Variants in METTL16 observed in about 807,000 individuals in gnomAD.
METTL16 encodes methyltransferase 16, RNA N6-adenosine, also known as RNA N(6)-adenosine-methyltransferase METTL16.
Under a neutral mutation model 57.9 loss-of-function variants are expected in METTL16, and 19 were observed. The ratio of observed to expected loss-of-function variants is 0.33; its 90% CI spans 0.23 to 0.48. The LOEUF is 0.48. Among genes scored for constraint, METTL16 ranks in the 20% least tolerant of loss-of-function variants. The pLI is 0.99. For synonymous variants in METTL16, 246 were observed against 255.6 expected, an observed-to-expected ratio of 0.96 and a Z score of 0.36; for missense variants, 434 against 691.5, an observed-to-expected ratio of 0.63 and a Z score of 4.18.
chr17:2,455,401 A>G (rs2067102351), intron 6 of METTL16, among the ~76,000 whole-genome samples: 2 of 152,196 alleles, frequency 1.3e-5, no homozygotes, highest in South Asian at 2.1e-4. Context: ...ATTCCTTTGT[A>G]GACTGTTAGA....
At chr17:2,508,011 C>T (rs2067560111) in intron 1 of METTL16, among the ~76,000 whole-genome samples, 1 of 152,074 alleles carries the variant, frequency 6.6e-6, no homozygotes, top group Non-Finnish European at 1.5e-5. Flanking sequence ...GGGTTCTCTG[C>T]CTAGGAAAAC....
At chr17:2,432,524 G>A (rs574646142) in intron 8 of METTL16, among the ~76,000 whole-genome samples, 36 of 152,106 alleles carry the variant, frequency 2.4e-4, no homozygotes, top group African/African-American at 4.8e-4. Context: ...AGCCGTGAGC[G>A]CGCCAATACA....
chr17:2,504,203 T>A (rs2067513034), intron 1 of METTL16, among the ~76,000 whole-genome samples: 1 of 151,774 alleles, frequency 6.6e-6, no homozygotes, highest in South Asian at 2.1e-4. Flanking sequence ...GGAATAGAGG[T>A]GATGAGGAGC....
At chr17:2,466,737 T>G (rs183441622) in intron 5 of METTL16, among the ~76,000 whole-genome samples, 1 of 152,216 alleles carries the variant, frequency 6.6e-6, no homozygotes, top group African/African-American at 2.4e-5. Context: ...GTGAATGCTA[T>G]GTAAAAATAG....
chr17:2,496,025 G>C (rs979219551), intron 2 of METTL16, among the ~76,000 whole-genome samples: 3 of 151,442 alleles, frequency 2.0e-5, no homozygotes, highest in African/African-American at 7.3e-5. Context: ...CAGGAGAATT[G>C]CTTGTACCTG....
Position 2,419,705 on chromosome 17 carries a change from G to A in METTL16, c.*265C>T. The A allele has an allele frequency of 1.6e-6, 1 of 631,836 alleles. No individual in the cohort carries two copies. The highest frequency in any genetic ancestry group is 2.9e-6 in the Non-Finnish European group (1 of 340,646). 39.1% of individuals were successfully genotyped at this position (631,836 alleles called of 1,614,324 possible). A position where few individuals can be genotyped will look rare whatever the true frequency, so the allele number is the denominator to read the frequency against. On this transcript the variant is annotated 3_prime_UTR_variant, in exon 10 of 10. Transcript: ENST00000263092. ...CTGAGGGGCCAGCTTGAGCCAGCTT[G>A]CAATCCCTCGGGAGTTTACTGAGGG...
chr17:2,477,176 T>TA (rs1268671314), intron 3 of METTL16, among the ~76,000 whole-genome samples: 3 of 151,770 alleles, frequency 2.0e-5, no homozygotes, highest in Non-Finnish European at 2.9e-5. Context: ...CATCTCAAAA[T>TA]AAAAAAATTT....
At chr17:2,488,580 TAAAAA>T (rs540588071) in intron 2 of METTL16, among the ~76,000 whole-genome samples, 2 of 150,498 alleles carry the variant, frequency 1.3e-5, no homozygotes, top group Non-Finnish European at 3.0e-5. Flanking sequence ...AAAAACAAAT[TAAAAA>T]AAACAAAAAA....
chr17:2,492,906 A>AAAC (rs1257135099), intron 2 of METTL16, among the ~76,000 whole-genome samples: 1 of 137,966 alleles, frequency 7.2e-6, no homozygotes, highest in Non-Finnish European at 1.6e-5. Flanking sequence ...TCAAAAAAAA[A>AAAC]AAAAAAAAAA....
intron 6 of METTL16, among the ~76,000 whole-genome samples, chr17:2,444,820 T>A (rs999272870): frequency 1.3e-5 from 2 of 151,532 alleles, no homozygotes; most frequent in African/African-American, 4.9e-5. Context: ...TTCAAGCAAT[T>A]CCCCTGCCTC....
At position 2,493,737 on chromosome 17, in the gene METTL16, A is replaced by G. The variant is rs181674315; in HGVS notation, c.128+8467T>C. On this transcript the variant is annotated intron_variant, in intron 2 of 9. Transcript: ENST00000263092. ...CTGTCTCAAAAAAAAAAAAAAAACC[A>G]TTGTAAAAATGAAGAACATTCTACC... Among the ~76,000 whole-genome samples, 532 of 140,760 alleles carry G rather than the reference A, an allele frequency of 3.8e-3. 1 individual carries two copies. Among genetic ancestry groups the G allele is most frequent in the African/African-American group, 0.013 (503 of 38,794 alleles). 92.3% of individuals were successfully genotyped at this position (140,760 alleles called of 152,430 possible). A position where few individuals can be genotyped will look rare whatever the true frequency, so the allele number is the denominator to read the frequency against.
In METTL16 at chr17:2,475,561, T is replaced by G. The variant is rs191809116; in HGVS notation, c.329-1897A>C. ...AGGGTAATAAATACACATAAAAGAT[T>G]TGTCAGCGCCAAAAAAAGTTTCTTA... On this transcript the variant is annotated intron_variant, in intron 3 of 9. Coordinates refer to ENST00000263092, the MANE Select transcript of METTL16 (RefSeq NM_024086.4). Among the ~76,000 whole-genome samples the G allele has an allele frequency of 4.7e-3, 712 of 152,294 alleles. 6 individuals are homozygous for G. The highest frequency in any genetic ancestry group is 5.0e-3 in the Non-Finnish European group (343 of 68,026).
At chr17:2,430,455 G>C (rs1358914900) in intron 8 of METTL16, among the ~76,000 whole-genome samples, 1 of 119,508 alleles carries the variant, frequency 8.4e-6, no homozygotes, top group African/African-American at 3.3e-5. Context: ...TCGCTCTGTC[G>C]CCCAGGCTGG....
intron 7 of METTL16, among the ~76,000 whole-genome samples, chr17:2,440,002 T>C (rs1023906594): frequency 6.6e-6 from 1 of 151,916 alleles, no homozygotes; most frequent in African/African-American, 2.4e-5. Flanking sequence ...GCCTGGGCAA[T>C]ACAGCAAGAC....
At position 2,417,930 on chromosome 17, in the gene METTL16, G is replaced by C. The variant is rs186521395; in HGVS notation, c.*2040C>G. Reference sequence around the variant, plus strand: ...TCCTAAAATTATACCAAGGAAACTAGGTTTGGGCCCAGCAAATGACTCAAA... The same window carrying C: ...TCCTAAAATTATACCAAGGAAACTACGTTTGGGCCCAGCAAATGACTCAAA... On this transcript the variant is annotated 3_prime_UTR_variant, in exon 10 of 10. Transcript: ENST00000263092. 14 of 152,274 alleles carry C rather than the reference G, an allele frequency of 9.2e-5. No homozygotes were observed. The highest frequency in any genetic ancestry group is 2.9e-5 in the Non-Finnish European group (2 of 68,028). 9.4% of individuals were successfully genotyped at this position (152,274 alleles called of 1,614,324 possible).
At chr17:2,426,642 T>C (rs544149766) in intron 8 of METTL16, among the ~76,000 whole-genome samples, 44 of 145,880 alleles carry the variant, frequency 3.0e-4, no homozygotes, top group African/African-American at 9.9e-4. Context: ...GGCAGGAGAA[T>C]TGCTCGAACC....
intron 2 of METTL16, among the ~76,000 whole-genome samples, chr17:2,480,546 TC>T (rs2067298465): frequency 6.6e-6 from 1 of 152,050 alleles, no homozygotes; most frequent in Admixed American, 6.5e-5. Context: ...CAAATAGCAC[TC>T]CCCAAAGGAA....
chr17:2,468,324 G>T (rs376040815), intron 4 of METTL16, among the ~76,000 whole-genome samples: 1 of 152,146 alleles, frequency 6.6e-6, no homozygotes, highest in Non-Finnish European at 1.5e-5. Context: ...TTAAGTATAG[G>T]CTGCATTTTA....
chr17:2,472,496 T>G (rs1463826225), intron 4 of METTL16, among the ~76,000 whole-genome samples: 1 of 152,196 alleles, frequency 6.6e-6, no homozygotes, highest in African/African-American at 2.4e-5. Context: ...GCACAGATGT[T>G]TCTCACAACT....
Sources: gnomAD v4.1 joint callset for allele counts (sites outside exome capture counted in the v4.1 genomes callset) on GRCh38, gnomAD v4.1.1 for gene constraint, MANE v1.5 for transcripts, NCBI Gene and HGNC (gene_info 2026-07-23, HGNC 2026-07-21) for gene names.